BSN: variants seen among roughly 807,000 people sequenced by gnomAD.
BSN encodes the protein bassoon presynaptic cytomatrix protein, also known as protein bassoon.
Under a neutral mutation model 264.8 loss-of-function variants are expected in BSN, and 57 were observed. The observed-to-expected ratio is 0.22, with a 90% CI of 0.17 to 0.27. The LOEUF (loss-of-function observed/expected upper bound fraction) is 0.27, where lower values mean the gene tolerates loss of function less well. Among genes scored for constraint, BSN ranks in the 10% least tolerant of loss-of-function variants. The probability of loss-of-function intolerance (pLI) is 1.00; values close to 1 mark genes in which losing one functional copy is unlikely to be tolerated. For synonymous variants in BSN, 2,059 were observed against 2,137.3 expected (o/e 0.96, Z 1.01); for missense variants, 4,615 against 5,232.5 (o/e 0.88, Z 3.64).
Position 49,657,109 on chromosome 3 carries a change from G to A in BSN, c.7553G>A (p.Gly2518Glu). Residue 2518 changes from glycine (G) to glutamate (E), a missense_variant, in exon 5 of 12, where the codon GGA becomes GAA. Around this residue, in one of 3 missense-constraint regions of BSN, gnomAD observed 3,415 missense variants for 3,866.4 expected, o/e 0.88. Transcript: ENST00000296452. The stretch of plus-strand genomic sequence containing the variant: ...TTCATTGCCATGGCAGGGCCTGAAG[G>A]ACTTGGGCAGCCTCGTGAGCCTGTG... The part of the protein sequence containing the change: ...AAFIAMAGPE[G>E]LGQPREPVLH... 6.2e-7 allele frequency: 1 copy of A among 1,611,978 alleles called. No homozygotes were observed. Among genetic ancestry groups the A allele is most frequent in the Non-Finnish European group, 8.5e-7 (1 of 1,178,996 alleles).
At chr3:49,587,729 G>A (rs1408610866) in intron 1 of BSN, among the ~76,000 whole-genome samples, 1 of 152,012 alleles carries the variant, frequency 6.6e-6, no homozygotes, top group East Asian at 1.9e-4. Context: ...TGTGGAAGGC[G>A]ATCAGTCAGA....
Position 49,653,869 on chromosome 3 carries a change from C to A in BSN, c.4313C>A (p.Ala1438Asp), listed in dbSNP as rs538703321. Residue 1438 changes from alanine to aspartate, a missense_variant, in exon 5 of 12, where the codon GCC becomes GAC. By Grantham distance (126) the Ala-to-Asp change is moderately radical (BLOSUM62 -2). This residue lies in a region of BSN where 3,415 missense variants were observed against 3,866.4 expected (regional missense o/e 0.88). Coordinates refer to ENST00000296452, the MANE Select transcript of BSN (RefSeq NM_003458.4). The surrounding 1 kb of genome is among the most constrained non-coding windows in gnomAD (Gnocchi z 6.3). ...YGSQTEDLPQ[A>D]PSGLAAAGRA... Reference sequence around the variant, plus strand: ...TCCCAAACTGAGGATCTACCCCAGGCCCCCAGTGGCCTTGCTGCAGCTGGA... The same window carrying A: ...TCCCAAACTGAGGATCTACCCCAGGACCCCAGTGGCCTTGCTGCAGCTGGA... 8 of 1,614,028 alleles carry A rather than the reference C, an allele frequency of 5.0e-6. No individual in the cohort carries two copies. The South Asian group carries it at 6.6e-5, about 13-fold the overall frequency.
chr3:49,558,932 T>G (rs1480121267), intron 1 of BSN, among the ~76,000 whole-genome samples: 1 of 152,112 alleles, frequency 6.6e-6, no homozygotes, highest in Admixed American at 6.6e-5. Context: ...TGTTTGTTTG[T>G]TTTTTGTTTT....
At position 49,661,346 on chromosome 3, in the gene BSN, C is replaced by T. The variant is rs769805734; in HGVS notation, c.9501C>T (p.Pro3167=). The stretch of plus-strand genomic sequence containing the variant: ...CCAACTATGAGGTGATCGCCAGCCC[C>T]GTTGTGCCCATGTCTTCAGCCCCAT... The part of the protein sequence containing the change: ...VPTNYEVIAS[P]VVPMSSAPSE... Residue 3167 remains proline (P), a synonymous_variant, in exon 6 of 12, where the codon CCC becomes CCT. Transcript: ENST00000296452. The T allele has an allele frequency of 9.3e-6, 15 of 1,613,910 alleles. No homozygotes were observed. The highest frequency in any genetic ancestry group is 3.3e-5 in the Admixed American group (2 of 60,010).
chr3:49,613,348 G>GAGA (rs1448553549), intron 1 of BSN, among the ~76,000 whole-genome samples: 1 of 148,682 alleles, frequency 6.7e-6, no homozygotes, highest in Non-Finnish European at 1.5e-5. Flanking sequence ...GAGAGAGAGA[G>GAGA]AAGGGCTGGC....
Position 49,661,463 on chromosome 3 carries a change from G to A in BSN, c.9618G>A (p.Val3206=), listed in dbSNP as rs1258172460. The part of the protein sequence containing the change: ...EVPRAGDRGS[V]SQSPAPTYPS... ...CCCGGGCTGGTGACCGTGGCAGTGT[G>A]AGCCAGAGCCCAGCCCCCACCTACC... The change falls in exon 6 of 12, where the codon GTG becomes GTA. Residue 3206 remains valine, a synonymous_variant. Transcript: ENST00000296452. 9.9e-6 allele frequency: 16 copies of A among 1,613,270 alleles called. No homozygotes were observed. The highest frequency in any genetic ancestry group is 1.3e-5 in the Non-Finnish European group (15 of 1,179,888).
intron 1 of BSN, among the ~76,000 whole-genome samples, chr3:49,600,259 G>T (rs2052062333): frequency 6.6e-6 from 1 of 152,172 alleles, no homozygotes; most frequent in African/African-American, 2.4e-5. Flanking sequence ...TGGGATGTTG[G>T]CAGAGGAATG....
At chr3:49,636,467 C>T (rs759785489) in intron 2 of BSN, among the ~76,000 whole-genome samples, 9 of 151,778 alleles carry the variant, frequency 5.9e-5, no homozygotes, top group Admixed American at 2.0e-4. Context: ...CATCCTGGGT[C>T]GGGAGGGGGG....
Position 49,642,257 on chromosome 3 carries a change from T to A in BSN, c.634-11T>A. ...TGGCCACCCTGCTGACTATTTTGCT[T>A]TTCTCCTCAGGTGAAGGAGTGGCTC... On this transcript the variant is annotated splice_polypyrimidine_tract_variant and intron_variant, in intron 2 of 11. Coordinates refer to ENST00000296452, the MANE Select transcript of BSN (RefSeq NM_003458.4). The surrounding 1 kb of genome is among the most constrained non-coding windows in gnomAD (Gnocchi z 7.0). 1 of 1,510,874 alleles carries A rather than the reference T, an allele frequency of 6.6e-7. No homozygotes were observed. Among genetic ancestry groups the A allele is most frequent in the Non-Finnish European group, 8.9e-7 (1 of 1,129,492 alleles). 93.6% of individuals were successfully genotyped at this position (1,510,874 alleles called of 1,614,324 possible).
intron 1 of BSN, among the ~76,000 whole-genome samples, chr3:49,563,683 T>G (rs1218250152): frequency 6.6e-6 from 1 of 152,238 alleles, no homozygotes; most frequent in Non-Finnish European, 1.5e-5. Flanking sequence ...AAGTGTGGTT[T>G]GGCTTCAGTA....
Position 49,651,357 on chromosome 3 carries a change from G to T in BSN, c.1987-186G>T. 1 of 693,928 alleles carries T rather than the reference G, an allele frequency of 1.4e-6. No homozygotes were observed. The highest frequency in any genetic ancestry group is 2.3e-6 in the Non-Finnish European group (1 of 431,958). The allele number at this position is 693,928 out of a possible 1,614,324, so 43.0% of individuals were successfully genotyped here. On this transcript the variant is annotated intron_variant, in intron 4 of 11. Transcript: ENST00000296452. This position sits in a 1 kb window ranked among gnomAD's most constrained non-coding sequence, Gnocchi z 5.4. Reference sequence around the variant, plus strand: ...AGTTTCTCTTTGAAGACCAAGGGCTGGTTTGGGCTTGCCATGGAACCTTCA... The same window carrying T: ...AGTTTCTCTTTGAAGACCAAGGGCTTGTTTGGGCTTGCCATGGAACCTTCA...
intron 1 of BSN, among the ~76,000 whole-genome samples, chr3:49,556,800 C>G (rs2051676095): frequency 6.6e-6 from 1 of 152,180 alleles, no homozygotes; most frequent in Non-Finnish European, 1.5e-5. Context: ...AACAGATTGG[C>G]CCATTGATGG....
chr3:49,590,327 AAAAC>A lies in BSN; in HGVS notation c.225-34644_225-34641del, dbSNP rs201383914. ...TAGCCTTTTGTTGGATTCTTTAAAA[AAAAC>A]AAATCTGATAATCTCTGCCTTTAGA... On this transcript the variant is annotated intron_variant, in intron 1 of 11. Transcript: ENST00000296452. Among the ~76,000 whole-genome samples the A allele has an allele frequency of 9.2e-3, 1,404 of 152,290 alleles. 28 individuals carry two copies. The highest frequency in any genetic ancestry group is 0.031 in the African/African-American group (1,282 of 41,552).
At position 49,663,288 on chromosome 3, in the gene BSN, T is replaced by G. The variant is rs1343005557; in HGVS notation, c.11130T>G (p.Arg3710=). The change falls in exon 7 of 12, where the codon CGT becomes CGG. Residue 3710 remains arginine (R), a synonymous_variant. Transcript: ENST00000296452. The part of the protein sequence containing the change: ...PSSAEYSQPS[R]ASSAYHHASD... ...CTGCTGAGTACTCACAGCCATCCCG[T>G]GCTTCATCCGCATACCATCATGCCT... 1 of 1,614,002 alleles carries G rather than the reference T, an allele frequency of 6.2e-7. No individual in the cohort carries two copies. Among genetic ancestry groups the G allele is most frequent in the Non-Finnish European group, 8.5e-7 (1 of 1,180,038 alleles).
Position 49,661,824 on chromosome 3 carries a change from C to T in BSN, c.9979C>T (p.His3327Tyr). ...THYYGDSDYR[H>Y]GARVEKYGPG... ...CTACTATGGTGACAGTGACTACAGGCATGGGGCTCGAGTAGAGAAGTATGG... is the reference window on the plus strand; with the variant it reads ...CTACTATGGTGACAGTGACTACAGGTATGGGGCTCGAGTAGAGAAGTATGG... Residue 3327 changes from histidine to tyrosine, a missense_variant, in exon 6 of 12, where the codon CAT (histidine) becomes TAT (tyrosine). His to Tyr is a moderately conservative substitution (Grantham distance 83). This residue lies in a region of BSN where 3,415 missense variants were observed against 3,866.4 expected (regional missense o/e 0.88). Coordinates refer to ENST00000296452, the MANE Select transcript of BSN (RefSeq NM_003458.4). 3 of 1,613,560 alleles carry T rather than the reference C, an allele frequency of 1.9e-6. No individual in the cohort carries two copies. The highest frequency in any genetic ancestry group is 2.5e-6 in the Non-Finnish European group (3 of 1,180,044).
intron 1 of BSN, among the ~76,000 whole-genome samples, chr3:49,624,300 C>CTTT (rs71080542): frequency 4.5e-5 from 3 of 67,184 alleles, no homozygotes; most frequent in African/African-American, 5.4e-5. Flanking sequence ...CGTGCCCAGC[C>CTTT]TTTTTTTTTT....
At chr3:49,569,542 C>T (rs9858407) in intron 1 of BSN, among the ~76,000 whole-genome samples, 2,148 of 152,218 alleles carry the variant, frequency 0.014, 56 homozygotes, top group African/African-American at 0.048. Flanking sequence ...TTGAGTTAAA[C>T]TTGATTGAGG....
intron 10 of BSN, 68 bp downstream of exon 10, chr3:49,664,921 G>T: frequency 8.4e-7 from 1 of 1,185,294 alleles, no homozygotes. Context: ...TGGGGGTGGG[G>T]CTCTAAGTCC....
chr3:49,563,450 G>A (rs1234101387), intron 1 of BSN, among the ~76,000 whole-genome samples: 10 of 152,372 alleles, frequency 6.6e-5, no homozygotes, highest in African/African-American at 2.2e-4. Flanking sequence ...CAGGGGAGCT[G>A]GGGTTGGCAA....
Sources: allele counts gnomAD v4.1 joint callset (sites outside exome capture counted in the v4.1 genomes callset), GRCh38; gene constraint gnomAD v4.1.1; regional missense constraint gnomAD v4.1.1; non-coding constraint Gnocchi (gnomAD v3.1); transcripts MANE v1.5; gene names NCBI Gene and HGNC (gene_info 2026-07-23, HGNC 2026-07-21).